Variants in SAMD10 observed in about 807,000 individuals in gnomAD.
SAMD10 encodes the protein sterile alpha motif domain containing 10.
In SAMD10, 16 loss-of-function variants were observed where a neutral mutation model predicts 22.5. That is an observed-to-expected ratio of 0.71 (90% CI 0.48 to 1.08). SAMD10 has a LOEUF of 1.08. Among genes scored for constraint, SAMD10 ranks in the 50% least tolerant of loss-of-function variants. The pLI, the probability that SAMD10 is intolerant of heterozygous loss-of-function variation, is 0.00. For synonymous variants in SAMD10, 118 were observed against 122.2 expected (o/e 0.97, Z 0.23); for missense variants, 227 against 281.3 (o/e 0.81, Z 1.38).
At position 63,979,638 on chromosome 20, in the gene SAMD10, T is replaced by C; in HGVS notation, c.-171A>G. 5 of 984,950 alleles carry C rather than the reference T, an allele frequency of 5.1e-6. No homozygotes were observed. Among genetic ancestry groups the C allele is most frequent in the Non-Finnish European group, 6.0e-6 (5 of 829,960 alleles). 61.0% of individuals were successfully genotyped at this position (984,950 alleles called of 1,614,324 possible). The stretch of plus-strand genomic sequence containing the variant: ...CGACGAGGCACCTGCCGCCGAGCCC[T>C]GTGTGCCGGGCGCGCTCCGGGAGCT... On this transcript the variant is annotated 5_prime_UTR_variant, in exon 1 of 5. Coordinates refer to ENST00000369886, the MANE Select transcript of SAMD10 (RefSeq NM_080621.5). This position sits in a 1 kb window ranked among gnomAD's most constrained non-coding sequence, Gnocchi z 7.7.
chr20:63,979,350 C>G lies in SAMD10; in HGVS notation c.91+27G>C. The G allele has an allele frequency of 6.9e-7, 1 of 1,453,120 alleles. No individual in the cohort carries two copies. The highest frequency in any genetic ancestry group is 9.1e-7 in the Non-Finnish European group (1 of 1,102,000). The allele number at this position is 1,453,120 out of a possible 1,614,324, so 90.0% of individuals were successfully genotyped here. Reference sequence around the variant, plus strand: ...CCCTGAGACCCCCGCCCGAGAAATCCCCGCTCCCCAATCCAGCCCCGCTCA... The same window carrying G: ...CCCTGAGACCCCCGCCCGAGAAATCGCCGCTCCCCAATCCAGCCCCGCTCA... On this transcript the variant is annotated intron_variant, in intron 1 of 4. Transcript: ENST00000369886. The surrounding 1 kb of genome is among the most constrained non-coding windows in gnomAD (Gnocchi z 7.7).
At chr20:63,978,561 A>G (rs1288159269) in intron 1 of SAMD10, among the ~76,000 whole-genome samples, 1 of 152,150 alleles carries the variant, frequency 6.6e-6, no homozygotes, top group African/African-American at 2.4e-5. Flanking sequence ...TAGGAGGTCT[A>G]AGTATCGGTG....
intron 3 of SAMD10, 58 bp downstream of exon 3, chr20:63,976,913 A>G: frequency 6.4e-7 from 1 of 1,560,852 alleles, no homozygotes; most frequent in Middle Eastern, 1.7e-4. Flanking sequence ...GAGTGTGGGG[A>G]AGAGACGCTC....
At position 63,979,471 on chromosome 20, in the gene SAMD10, G is replaced by T. The variant is rs1187412342; in HGVS notation, c.-4C>A. On this transcript the variant is annotated 5_prime_UTR_variant, in exon 1 of 5. Coordinates refer to ENST00000369886, the MANE Select transcript of SAMD10 (RefSeq NM_080621.5). The surrounding 1 kb of genome is among the most constrained non-coding windows in gnomAD (Gnocchi z 7.7). ...TGGACCTCAGCTCGGTGAACATGGGGCCCGCGGGTGCCAGGCCCGCGCACA... is the reference window on the plus strand; with the variant it reads ...TGGACCTCAGCTCGGTGAACATGGGTCCCGCGGGTGCCAGGCCCGCGCACA... 2.2e-6 allele frequency: 3 copies of T among 1,385,726 alleles called. No homozygotes were observed. Among genetic ancestry groups the T allele is most frequent in the African/African-American group, 3.1e-5 (2 of 65,462 alleles). The allele number at this position is 1,385,726 out of a possible 1,614,324, so 85.8% of individuals were successfully genotyped here. A position where few individuals can be genotyped will look rare whatever the true frequency, so the allele number is the denominator to read the frequency against.
chr20:63,976,734 C>A (rs372894540), intron 3 of SAMD10, among the ~76,000 whole-genome samples: 14 of 134,966 alleles, frequency 1.0e-4, no homozygotes, highest in African/African-American at 4.1e-4. Context: ...TTCACTCAGC[C>A]TGGGCAACAG....
chr20:63,979,801 CCT>C, upstream of SAMD10: 2 of 584,092 alleles, frequency 3.4e-6, no homozygotes, highest in Non-Finnish European at 4.3e-6. This position sits in a 1 kb window ranked among gnomAD's most constrained non-coding sequence, Gnocchi z 7.7. Flanking sequence ...AGGTCGGGCC[CCT>C]CTGTGCGTGG....
chr20:63,975,857 G>A, intron 3 of SAMD10, 25 bp from the exon 4 acceptor site: 1 of 1,565,088 alleles, frequency 6.4e-7, no homozygotes, highest in Non-Finnish European at 8.6e-7. Context: ...GAGGGGCTGA[G>A]CTGAGGCCAA....
At chr20:63,980,083 G>A (rs533098492), upstream of SAMD10, 3 of 152,684 alleles carry the variant, frequency 2.0e-5, no homozygotes, top group South Asian at 2.1e-4. Flanking sequence ...TAACTGAAAG[G>A]GGCTTGGCTT....
chr20:63,977,339 G>A lies in SAMD10; in HGVS notation c.159C>T (p.Cys53=). Reference sequence around the variant, plus strand: ...TGGTGCCAGGTGTCCGAGGCAAGTGGCAGGGGATGCTCTCAGCTGACACCG... The same window carrying A: ...TGGTGCCAGGTGTCCGAGGCAAGTGACAGGGGATGCTCTCAGCTGACACCG... The part of the protein sequence containing the change: ...EHTVSAESIP[C]HLPRTPGTSL... Residue 53 remains cysteine (C), a synonymous_variant, in exon 2 of 5, where the codon TGC becomes TGT. Coordinates refer to ENST00000369886, the MANE Select transcript of SAMD10 (RefSeq NM_080621.5). The surrounding 1 kb of genome is among the most constrained non-coding windows in gnomAD (Gnocchi z 5.4). 1 of 1,613,504 alleles carries A rather than the reference G, an allele frequency of 6.2e-7. No individual in the cohort carries two copies. Among genetic ancestry groups the A allele is most frequent in the Non-Finnish European group, 8.5e-7 (1 of 1,180,030 alleles).
chr20:63,975,394 C>T lies in SAMD10; in HGVS notation c.*116G>A. 2 of 1,350,280 alleles carry T rather than the reference C, an allele frequency of 1.5e-6. No individual in the cohort carries two copies. The highest frequency in any genetic ancestry group is 1.2e-5 in the South Asian group (1 of 81,358). 83.6% of individuals were successfully genotyped at this position (1,350,280 alleles called of 1,614,324 possible). The stretch of plus-strand genomic sequence containing the variant: ...GGTCCTGTCTGTCCGTTGGGCCAGC[C>T]TGGCCGCCCCGGCATCCCGCAGGGT... On this transcript the variant is annotated 3_prime_UTR_variant, in exon 5 of 5. Coordinates refer to ENST00000369886, the MANE Select transcript of SAMD10 (RefSeq NM_080621.5).
rs577107969 is a variant in SAMD10 at position 63,977,765 on chromosome 20, G to A, written c.92-359C>T. ...CTGACCTCACCCTTGCCTTGGGCTG[G>A]CCCACAAGTCTTGCACACACCACAC... On this transcript the variant is annotated intron_variant, in intron 1 of 4. Transcript: ENST00000369886. This position sits in a 1 kb window ranked among gnomAD's most constrained non-coding sequence, Gnocchi z 5.4. Among the ~76,000 whole-genome samples, 2 of 152,372 alleles carry A rather than the reference G, an allele frequency of 1.3e-5. No homozygotes were observed. Among genetic ancestry groups the A allele is most frequent in the East Asian group, 3.9e-4 (2 of 5,184 alleles).
intron 1 of SAMD10, among the ~76,000 whole-genome samples, chr20:63,978,008 C>T (rs1274815770): frequency 1.3e-5 from 2 of 152,258 alleles, no homozygotes; most frequent in African/African-American, 4.8e-5. Context: ...AGGGCTCACT[C>T]CGCAAACACG....
intron 3 of SAMD10, among the ~76,000 whole-genome samples, chr20:63,976,314 G>A (rs1459046324): frequency 6.6e-6 from 1 of 152,030 alleles, no homozygotes; most frequent in Admixed American, 6.6e-5. Flanking sequence ...GAGGAAGCGA[G>A]GTTCAGAGAG....
chr20:63,975,188 A>G lies in SAMD10; in HGVS notation c.*322T>C, dbSNP rs1316444895. The G allele has an allele frequency of 4.5e-6, 2 of 448,120 alleles. No homozygotes were observed. Among genetic ancestry groups the G allele is most frequent in the East Asian group, 9.5e-5 (2 of 21,152 alleles). 27.8% of individuals were successfully genotyped at this position (448,120 alleles called of 1,614,324 possible). On this transcript the variant is annotated 3_prime_UTR_variant, in exon 5 of 5. Transcript: ENST00000369886. Reference sequence around the variant, plus strand: ...AAATAAACAGACTCCCTGGGAGTCTAGGGGGGACATCCAAACCGGTTCTGG... The same window carrying G: ...AAATAAACAGACTCCCTGGGAGTCTGGGGGGGACATCCAAACCGGTTCTGG...
rs1003695797 is a variant in SAMD10 at position 63,979,092 on chromosome 20, C to T, written c.91+285G>A. On this transcript the variant is annotated intron_variant, in intron 1 of 4. Transcript: ENST00000369886. This position sits in a 1 kb window ranked among gnomAD's most constrained non-coding sequence, Gnocchi z 7.7. ...TGCAAAAGCGGGGGAGGGTTTTCCC[C>T]GTGCGCAGGAAAAGGTGACCCGAGC... Among the ~76,000 whole-genome samples, 1 of 152,154 alleles carries T rather than the reference C, an allele frequency of 6.6e-6. No homozygotes were observed. Among genetic ancestry groups the T allele is most frequent in the Non-Finnish European group, 1.5e-5 (1 of 68,024 alleles).
In SAMD10 at chr20:63,975,800, G is replaced by C; in HGVS notation, c.478C>G (p.Leu160Val). 6.2e-7 allele frequency: 1 copy of C among 1,603,740 alleles called. No homozygotes were observed. Among genetic ancestry groups the C allele is most frequent in the Non-Finnish European group, 8.5e-7 (1 of 1,178,734 alleles). Residue 160 changes from leucine to valine, a missense_variant, in exon 4 of 5, where the codon CTG becomes GTG. By Grantham distance (32) the Leu-to-Val change is conservative. Transcript: ENST00000369886. ...RALLRLNAEK[L>V]QRMGLAQEAQ... ...TCCTGGGCCAGCCCCATCCGCTGCA[G>C]CTTCTCCGCATTCAGCCGCAGCAGT... is the stretch of plus-strand genomic sequence containing the variant.
Position 63,977,006 on chromosome 20 carries a change from A to G in SAMD10, c.410T>C (p.Val137Ala), listed in dbSNP as rs779352129. The stretch of plus-strand genomic sequence containing the variant: ...ATGCTGGGAGAAGGCCTCCACGTAG[A>G]CGAGGTAGTTGTGGGGACAGTGCTT... ...LKKHCPHNYL[V>A]YVEAFSQHAI... Residue 137 changes from valine (V) to alanine (A), a missense_variant, in exon 3 of 5, where the codon GTC becomes GCC. By Grantham distance (64) the Val-to-Ala change is moderately conservative. Coordinates refer to ENST00000369886, the MANE Select transcript of SAMD10 (RefSeq NM_080621.5). This position sits in a 1 kb window ranked among gnomAD's most constrained non-coding sequence, Gnocchi z 5.4. The G allele has an allele frequency of 3.7e-6, 6 of 1,614,132 alleles. No homozygotes were observed. Among genetic ancestry groups the G allele is most frequent in the Non-Finnish European group, 5.1e-6 (6 of 1,180,024 alleles).
rs1311551672 is a variant in SAMD10 at position 63,977,060 on chromosome 20, C to T, written c.356G>A (p.Ser119Asn). Residue 119 changes from serine to asparagine, a missense_variant, in exon 3 of 5, where the codon AGT (serine) becomes AAT (asparagine). Coordinates refer to ENST00000369886, the MANE Select transcript of SAMD10 (RefSeq NM_080621.5). This position sits in a 1 kb window ranked among gnomAD's most constrained non-coding sequence, Gnocchi z 5.4. ...GGLTRPVVLW[S>N]QQDVCKWLKK... ...GAGCCACTTGCAGACGTCCTGCTGA[C>T]TCCACAGGACCACGGGCCGGGTCAG... 3 of 1,614,122 alleles carry T rather than the reference C, an allele frequency of 1.9e-6. No homozygotes were observed. Among genetic ancestry groups the T allele is most frequent in the Admixed American group, 3.3e-5 (2 of 60,022 alleles).
In SAMD10 at chr20:63,974,759, A is replaced by C. The variant is rs184986517; in HGVS notation, c.*751T>G. The C allele has an allele frequency of 3.9e-5, 6 of 152,498 alleles. No homozygotes were observed. The East Asian group carries it at 1.2e-3, about 29-fold the overall frequency. 9.4% of individuals were successfully genotyped at this position (152,498 alleles called of 1,614,324 possible). A position where few individuals can be genotyped will look rare whatever the true frequency, so the allele number is the denominator to read the frequency against. ...AGCAAGATTTTCCCAAAGATAGGGC[A>C]GGGAGCACTGCTAAGCCTGGGCCCT... On this transcript the variant is annotated 3_prime_UTR_variant, in exon 5 of 5. Coordinates refer to ENST00000369886, the MANE Select transcript of SAMD10 (RefSeq NM_080621.5).
Sources: gnomAD v4.1 joint callset for allele counts (sites outside exome capture counted in the v4.1 genomes callset) on GRCh38, gnomAD v4.1.1 for gene constraint, Gnocchi (gnomAD v3.1) non-coding constraint, MANE v1.5 for transcripts, NCBI Gene and HGNC (gene_info 2026-07-23, HGNC 2026-07-21) for gene names.